SLC35F1: variants seen among roughly 807,000 people sequenced by gnomAD.
SLC35F1 encodes the protein chromosome 6 open reading frame 169.
Under a neutral mutation model 48.7 loss-of-function variants are expected in SLC35F1, and 14 were observed. The ratio of observed to expected loss-of-function variants is 0.29; its 90% CI spans 0.19 to 0.45. The LOEUF (loss-of-function observed/expected upper bound fraction) is 0.45, where lower values mean the gene tolerates loss of function less well. Among genes scored for constraint, SLC35F1 ranks in the 20% least tolerant of loss-of-function variants. The probability of loss-of-function intolerance (pLI) is 1.00; values close to 1 mark genes in which losing one functional copy is unlikely to be tolerated. For missense variants in SLC35F1, 404 were observed against 500.0 expected (o/e 0.81, Z 1.83); for synonymous variants, 190 against 202.2 (o/e 0.94, Z 0.51).
chr6:118,213,667 TCA>T (rs1775036503), intron 2 of SLC35F1, among the ~76,000 whole-genome samples: 1 of 152,192 alleles, frequency 6.6e-6, no homozygotes, highest in African/African-American at 2.4e-5. Context: ...CATGGATAAC[TCA>T]CACACACAGT....
At position 118,002,166 on chromosome 6, in the gene SLC35F1, G is replaced by T. The variant is rs540308517; in HGVS notation, c.173+94267G>T. Among the ~76,000 whole-genome samples, 250 of 151,210 alleles carry T rather than the reference G, an allele frequency of 1.7e-3. 2 individuals are homozygous for T. Among genetic ancestry groups the T allele is most frequent in the African/African-American group, 5.8e-3 (240 of 41,116 alleles). On this transcript the variant is annotated intron_variant, in intron 1 of 7. Coordinates refer to ENST00000360388, the MANE Select transcript of SLC35F1 (RefSeq NM_001029858.4). ...CACATGCACACGTATGTTTATTGCG[G>T]CACTATTCACAATAGCAAAGACTTG...
chr6:118,315,047 A>G lies in SLC35F1; in HGVS notation c.*795A>G, dbSNP rs946672262. ...TTTGGGAGCCCCCAGAAATAATATC[A>G]TTTGTGTTTAGGACAATATATAATT... On this transcript the variant is annotated 3_prime_UTR_variant, in exon 8 of 8. Coordinates refer to ENST00000360388, the MANE Select transcript of SLC35F1 (RefSeq NM_001029858.4). 7.9e-5 allele frequency: 12 copies of G among 152,644 alleles called. No homozygotes were observed. Among genetic ancestry groups the G allele is most frequent in the African/African-American group, 2.9e-4 (12 of 41,520 alleles). 9.5% of individuals were successfully genotyped at this position (152,644 alleles called of 1,614,324 possible).
intron 2 of SLC35F1, among the ~76,000 whole-genome samples, chr6:118,171,704 T>A (rs1441720378): frequency 6.6e-6 from 1 of 152,226 alleles, no homozygotes; most frequent in Non-Finnish European, 1.5e-5. Flanking sequence ...TTATATTTCA[T>A]TTCCTTAATT....
At chr6:118,177,600 G>A (rs1040150444) in intron 2 of SLC35F1, among the ~76,000 whole-genome samples, 5 of 151,836 alleles carry the variant, frequency 3.3e-5, no homozygotes, top group Admixed American at 6.6e-5. Context: ...AGTGTGGTCC[G>A]GCCTCTTCTA....
intron 1 of SLC35F1, among the ~76,000 whole-genome samples, chr6:118,070,138 G>A (rs1231836551): frequency 1.2e-4 from 4 of 34,016 alleles, no homozygotes; most frequent in East Asian, 1.8e-3. Context: ...GCGAGACTCC[G>A]TCTCAAAAAA....
At chr6:118,166,962 C>T (rs1406951228) in intron 2 of SLC35F1, among the ~76,000 whole-genome samples, 1 of 152,216 alleles carries the variant, frequency 6.6e-6, no homozygotes, top group Admixed American at 6.5e-5. Context: ...AGGCTCCAAA[C>T]TGATTACATC....
At chr6:118,036,972 C>T (rs1040461269) in intron 1 of SLC35F1, among the ~76,000 whole-genome samples, 1 of 152,124 alleles carries the variant, frequency 6.6e-6, no homozygotes, top group African/African-American at 2.4e-5. Flanking sequence ...ATTTTTGTAA[C>T]ATATATATTT....
intron 2 of SLC35F1, among the ~76,000 whole-genome samples, chr6:118,188,239 G>A (rs1245651038): frequency 6.6e-6 from 1 of 152,120 alleles, no homozygotes; most frequent in African/African-American, 2.4e-5. Flanking sequence ...AAAGTTCAGT[G>A]AAAGAAAATC....
intron 4 of SLC35F1, among the ~76,000 whole-genome samples, chr6:118,273,299 C>T (rs1775881490): frequency 6.6e-6 from 1 of 152,118 alleles, no homozygotes; most frequent in Non-Finnish European, 1.5e-5. Context: ...CTTTTTAGGA[C>T]TTTTAAAAGG....
chr6:118,035,410 C>T (rs1272790002), intron 1 of SLC35F1, among the ~76,000 whole-genome samples: 1 of 151,322 alleles, frequency 6.6e-6, no homozygotes, highest in Non-Finnish European at 1.5e-5. Context: ...AGTTCAACAC[C>T]AGCCTGCTTA....
intron 2 of SLC35F1, among the ~76,000 whole-genome samples, chr6:118,192,920 G>C (rs1181072273): frequency 2.0e-5 from 3 of 151,974 alleles, no homozygotes. Context: ...TGAAACACTT[G>C]ATATTATTAA....
chr6:117,944,586 TACACATACAC>T (rs1340379712), intron 1 of SLC35F1, among the ~76,000 whole-genome samples: 12 of 146,388 alleles, frequency 8.2e-5, no homozygotes, highest in South Asian at 2.2e-4. Flanking sequence ...AACACACACA[TACACATACAC>T]ACACACACAC....
rs1775964740 is a variant in SLC35F1, at chr6:117,923,728, T to TATATGTACAC, written c.173+15831_173+15832insATGTACACAT. On this transcript the variant is annotated intron_variant, in intron 1 of 7. Transcript: ENST00000360388. ...ATATGTACATATATACATATATACA[T>TATATGTACAC]ATGTATATATACATATATGTACATA... 6.9e-5 allele frequency among the ~76,000 whole-genome samples: 6 copies of TATATGTACAC among 86,436 alleles called. 1 individual carries two copies. The highest frequency in any genetic ancestry group is 7.1e-4 in the South Asian group (2 of 2,814). 56.7% of individuals were successfully genotyped at this position (86,436 alleles called of 152,430 possible).
At chr6:118,027,467 T>G (rs1035646404) in intron 1 of SLC35F1, among the ~76,000 whole-genome samples, 3 of 152,168 alleles carry the variant, frequency 2.0e-5, no homozygotes, top group Admixed American at 1.3e-4. Flanking sequence ...GTCAGTCTTT[T>G]TAATTTTAGC....
intron 2 of SLC35F1, among the ~76,000 whole-genome samples, chr6:118,226,114 A>G (rs2114570113): frequency 6.6e-6 from 1 of 152,346 alleles, no homozygotes; most frequent in African/African-American, 2.4e-5. Context: ...CAGGTACATG[A>G]AAAAATACTC....
At chr6:118,164,016 A>C (rs1406899096) in intron 2 of SLC35F1, among the ~76,000 whole-genome samples, 1 of 152,260 alleles carries the variant, frequency 6.6e-6, no homozygotes, top group African/African-American at 2.4e-5. Flanking sequence ...GAACTGCATA[A>C]TAATTATCTC....
At chr6:117,980,722 CAT>C (rs1776766218) in intron 1 of SLC35F1, among the ~76,000 whole-genome samples, 2 of 152,150 alleles carry the variant, frequency 1.3e-5, no homozygotes, top group Non-Finnish European at 1.5e-5. Context: ...TATAAAGTGT[CAT>C]ATGATTACTG....
intron 3 of SLC35F1, among the ~76,000 whole-genome samples, chr6:118,263,784 C>G (rs1775740189): frequency 6.6e-6 from 1 of 152,058 alleles, no homozygotes; most frequent in African/African-American, 2.4e-5. Flanking sequence ...TACGAGAAAA[C>G]TGTTGAAAAA....
chr6:118,240,975 T>A (rs150264302), intron 3 of SLC35F1, among the ~76,000 whole-genome samples: 131 of 152,228 alleles, frequency 8.6e-4, no homozygotes, highest in Non-Finnish European at 1.7e-3. Context: ...CACTGCAAAA[T>A]TTTTAATCTG....
Sources: gnomAD v4.1 joint callset for allele counts (sites outside exome capture counted in the v4.1 genomes callset) on GRCh38, gnomAD v4.1.1 for gene constraint, MANE v1.5 for transcripts, NCBI Gene and HGNC (gene_info 2026-07-23, HGNC 2026-07-21) for gene names.